The following ATXN1 variants were observed in gnomAD, a reference collection of about 807,000 sequenced individuals.
ATXN1 encodes the protein ataxin-1.
A neutral mutation model predicts 56.4 loss-of-function variants in ATXN1; 8 were observed. The observed-to-expected ratio is 0.14, with a 90% CI of 0.08 to 0.26. The LOEUF is 0.26. Ranked by LOEUF, ATXN1 falls within the 10% of genes least tolerant of loss-of-function variation. The pLI is 1.00. For missense variants in ATXN1, 987 were observed against 1,106.5 expected (o/e 0.89, Z 1.53); for synonymous variants, 514 against 494.6 (o/e 1.04, Z -0.52).
chr6:16,534,696 C>A lies in ATXN1; in HGVS notation c.-360-12008G>T, dbSNP rs143333778. ...CAAGATCAGTAAACCCTACTTCCTA[C>A]CTAAAATAAACCCAAGAAGCAAAGT... On this transcript the variant is annotated intron_variant, in intron 4 of 7. Transcript: ENST00000436367. Among the ~76,000 whole-genome samples, 411 of 152,242 alleles carry A rather than the reference C, an allele frequency of 2.7e-3. 3 individuals carry two copies. Among genetic ancestry groups the A allele is most frequent in the African/African-American group, 9.5e-3 (395 of 41,558 alleles).
At chr6:16,332,770 G>C (rs559828383) in intron 6 of ATXN1, among the ~76,000 whole-genome samples, 173 of 152,278 alleles carry the variant, frequency 1.1e-3, no homozygotes, top group Non-Finnish European at 1.8e-3. Context: ...AGCCGCTTTA[G>C]AGCTACATTA....
At chr6:16,757,413 C>T (rs1760919166) in intron 1 of ATXN1, among the ~76,000 whole-genome samples, 1 of 152,178 alleles carries the variant, frequency 6.6e-6, no homozygotes, top group South Asian at 2.1e-4. Flanking sequence ...AATCCAGGAC[C>T]TCCAAGGCAT....
intron 4 of ATXN1, among the ~76,000 whole-genome samples, chr6:16,577,393 G>A (rs1001729703): frequency 2.6e-5 from 4 of 151,840 alleles, no homozygotes; most frequent in Non-Finnish European, 5.9e-5. Flanking sequence ...GTGCAGTGGC[G>A]CACACCTGTA....
intron 6 of ATXN1, among the ~76,000 whole-genome samples, chr6:16,399,139 T>C (rs1386369771): frequency 6.6e-6 from 1 of 152,222 alleles, no homozygotes; most frequent in Admixed American, 6.5e-5. Context: ...AGATTGTCAA[T>C]GGACTGACCT....
At chr6:16,443,595 A>G (rs1363929603) in intron 6 of ATXN1, among the ~76,000 whole-genome samples, 3 of 152,194 alleles carry the variant, frequency 2.0e-5, no homozygotes, top group Non-Finnish European at 4.4e-5. Flanking sequence ...AATAAAAAAA[A>G]CCTTAAACAT....
chr6:16,313,133 G>C (rs1046253873), intron 7 of ATXN1, among the ~76,000 whole-genome samples: 10 of 152,156 alleles, frequency 6.6e-5, no homozygotes, highest in Non-Finnish European at 1.5e-4. Flanking sequence ...GCCTGCCTTG[G>C]CATCCCAAAG....
chr6:16,613,220 G>C (rs1380496258), intron 3 of ATXN1, among the ~76,000 whole-genome samples: 14 of 140,534 alleles, frequency 1.0e-4, no homozygotes. Context: ...AGCCGAGATT[G>C]TGCCACTGCA....
chr6:16,336,915 C>T (rs549244363), intron 6 of ATXN1, among the ~76,000 whole-genome samples: 8 of 152,126 alleles, frequency 5.3e-5, no homozygotes, highest in South Asian at 2.1e-4. Flanking sequence ...GCAATGGATA[C>T]GACTATACTT....
chr6:16,326,325 T>A lies in ATXN1; in HGVS notation c.1917+69A>T, dbSNP rs764290214. On this transcript the variant is annotated intron_variant, in intron 7 of 7. Transcript: ENST00000436367. The surrounding 1 kb of genome is among the most constrained non-coding windows in gnomAD (Gnocchi z 6.6). The stretch of plus-strand genomic sequence containing the variant: ...AATCCTGCCTCATAGAAGCAATTCG[T>A]CTTGCCAGGAGATGATGATGGCATC... 4 of 1,582,628 alleles carry A rather than the reference T, an allele frequency of 2.5e-6. No individual in the cohort carries two copies. Among genetic ancestry groups the A allele is most frequent in the Non-Finnish European group, 3.4e-6 (4 of 1,164,976 alleles).
chr6:16,428,889 G>C (rs533068673), intron 6 of ATXN1, among the ~76,000 whole-genome samples: 1 of 152,364 alleles, frequency 6.6e-6, no homozygotes. Flanking sequence ...CTTTGCGGAA[G>C]AGGGGATGGG....
Position 16,326,329 on chromosome 6 carries a change from G to T in ATXN1, c.1917+65C>A. On this transcript the variant is annotated intron_variant, in intron 7 of 7. Coordinates refer to ENST00000436367, the MANE Select transcript of ATXN1 (RefSeq NM_001128164.2). The surrounding 1 kb of genome is among the most constrained non-coding windows in gnomAD (Gnocchi z 6.6). Reference sequence around the variant, plus strand: ...CTGCCTCATAGAAGCAATTCGTCTTGCCAGGAGATGATGATGGCATCACGG... The same window carrying T: ...CTGCCTCATAGAAGCAATTCGTCTTTCCAGGAGATGATGATGGCATCACGG... 1 of 1,587,992 alleles carries T rather than the reference G, an allele frequency of 6.3e-7. No individual in the cohort carries two copies. Among genetic ancestry groups the T allele is most frequent in the Non-Finnish European group, 8.6e-7 (1 of 1,167,512 alleles).
At chr6:16,568,636 C>CT (rs1385548058) in intron 4 of ATXN1, among the ~76,000 whole-genome samples, 1 of 148,362 alleles carries the variant, frequency 6.7e-6, no homozygotes, top group African/African-American at 2.4e-5. Flanking sequence ...AATGAACTTT[C>CT]TTTTTCGGTA....
At chr6:16,584,221 GACATATATATATATATATATATACAC>G (rs2113763387) in intron 4 of ATXN1, among the ~76,000 whole-genome samples, 1 of 37,358 alleles carries the variant, frequency 2.7e-5, no homozygotes, top group South Asian at 1.9e-3. Context: ...CCCGATATTG[GACATATATATATATATATATATACAC>G]ACACACACAC....
chr6:16,405,977 A>G (rs1039939459), intron 6 of ATXN1, among the ~76,000 whole-genome samples: 5 of 152,166 alleles, frequency 3.3e-5, no homozygotes, highest in African/African-American at 4.8e-5. Context: ...CAGTGTATGA[A>G]CCATAGCATG....
chr6:16,455,561 CT>C (rs143971223), intron 6 of ATXN1, among the ~76,000 whole-genome samples: 2,657 of 152,122 alleles, frequency 0.017, 83 homozygotes, highest in African/African-American at 0.059. Context: ...AAGCATGCTC[CT>C]TGGTATCTAC....
chr6:16,651,744 T>C (rs1763896744), intron 3 of ATXN1, among the ~76,000 whole-genome samples: 1 of 152,218 alleles, frequency 6.6e-6, no homozygotes, highest in African/African-American at 2.4e-5. Flanking sequence ...TTGGAAATCA[T>C]TGAGCTTAAA....
At chr6:16,500,804 T>C (rs1205747637) in intron 5 of ATXN1, among the ~76,000 whole-genome samples, 1 of 149,494 alleles carries the variant, frequency 6.7e-6, no homozygotes, top group East Asian at 1.9e-4. Flanking sequence ...ATTCATCTAA[T>C]GCCCATATAT....
intron 6 of ATXN1, among the ~76,000 whole-genome samples, chr6:16,330,375 T>A (rs1760953694): frequency 7.0e-6 from 1 of 143,500 alleles, no homozygotes; most frequent in Non-Finnish European, 1.5e-5. Flanking sequence ...AATGATTTTT[T>A]TCCTTCCTTC....
intron 4 of ATXN1, among the ~76,000 whole-genome samples, chr6:16,577,496 C>T (rs780191288): frequency 7.0e-6 from 1 of 142,888 alleles, no homozygotes; most frequent in Admixed American, 7.3e-5. Flanking sequence ...TGCACTCCAG[C>T]TTGGGCAACA....
Sources: gnomAD v4.1 joint callset for allele counts (sites outside exome capture counted in the v4.1 genomes callset) on GRCh38, gnomAD v4.1.1 for gene constraint, Gnocchi (gnomAD v3.1) non-coding constraint, MANE v1.5 for transcripts, NCBI Gene and HGNC (gene_info 2026-07-23, HGNC 2026-07-21) for gene names.